Variants in ANO3 observed in about 807,000 individuals in gnomAD.
ANO3 encodes the protein anoctamin-3.
Under a neutral mutation model 144.8 loss-of-function variants are expected in ANO3, and 99 were observed. The observed-to-expected ratio is 0.68, with a 90% CI of 0.58 to 0.81. ANO3 has a LOEUF of 0.81. Among genes scored for constraint, ANO3 ranks in the 30% least tolerant of loss-of-function variants. ANO3 has a pLI of 0.00. For missense variants in ANO3, 905 were observed against 1,202.2 expected (o/e 0.75, Z 3.66); for synonymous variants, 414 against 392.6 (o/e 1.05, Z -0.64).
intron 14 of ANO3, chr11:26,565,796 G>A (rs1221285154): frequency 4.3e-6 from 7 of 1,612,974 alleles, no homozygotes; most frequent in South Asian, 1.1e-5. Context: ...CTTTTCCATG[G>A]CTCCCCGATA....
intron 14 of ANO3, among the ~76,000 whole-genome samples, chr11:26,592,111 G>T (rs1851471116): frequency 6.6e-6 from 1 of 152,076 alleles, no homozygotes; most frequent in Admixed American, 6.6e-5. Flanking sequence ...CAATTAAGTT[G>T]GCTCTCTCTT....
At chr11:26,480,075 C>T (rs1369447363) in intron 4 of ANO3, among the ~76,000 whole-genome samples, 3 of 152,170 alleles carry the variant, frequency 2.0e-5, no homozygotes, top group Non-Finnish European at 4.4e-5. Flanking sequence ...GGCTACAACA[C>T]CGCGTGGGAG....
In ANO3 at chr11:26,459,122, A is replaced by G. The variant is rs371950597; in HGVS notation, c.314-3908A>G. 4.3e-4 allele frequency among the ~76,000 whole-genome samples: 66 copies of G among 152,198 alleles called. No individual in the cohort carries two copies. The East Asian group carries it at 6.6e-3, about 15-fold the overall frequency. On this transcript the variant is annotated intron_variant, in intron 3 of 26. Transcript: ENST00000256737. ...ACAGTGAGAACATACTTTACATCAAATAACCTGGTGCAGCTGGATTGGAGG... is the reference window on the plus strand; with the variant it reads ...ACAGTGAGAACATACTTTACATCAAGTAACCTGGTGCAGCTGGATTGGAGG...
At chr11:26,436,596 TG>T (rs1858304497) in intron 1 of ANO3, among the ~76,000 whole-genome samples, 1 of 151,956 alleles carries the variant, frequency 6.6e-6, no homozygotes, top group Non-Finnish European at 1.5e-5. Context: ...CAGGGGTGGC[TG>T]GGGACCTTGG....
In ANO3 at chr11:26,660,315, A is replaced by G. The variant is rs150506041; in HGVS notation, c.2817A>G (p.Pro939=). Residue 939 remains proline, a synonymous_variant, in exon 27 of 27, where the codon CCA becomes CCG. Coordinates refer to ENST00000256737, the MANE Select transcript of ANO3 (RefSeq NM_031418.4). The stretch of plus-strand genomic sequence containing the variant: ...TCGCATACCTGATTCCAGACGTACC[A>G]AAGGGTCTACATGACCGAATACGAC... The part of the protein sequence containing the change: ...SFIAYLIPDV[P]KGLHDRIRRE... 3,011 of 1,613,518 alleles carry G rather than the reference A, an allele frequency of 1.9e-3. 8 individuals are homozygous for G. The highest frequency in any genetic ancestry group is 3.0e-3 in the Middle Eastern group (18 of 6,054).
chr11:26,453,407 G>A (rs9667274), intron 3 of ANO3, among the ~76,000 whole-genome samples: 3,508 of 151,854 alleles, frequency 0.023, 160 homozygotes, highest in African/African-American at 0.078. Flanking sequence ...AATGGAAAAC[G>A]AAAAAAGGCA....
intron 14 of ANO3, among the ~76,000 whole-genome samples, chr11:26,590,916 A>G (rs995774448): frequency 6.6e-5 from 10 of 152,102 alleles, no homozygotes. Context: ...CAGAGCTCCC[A>G]TACAATGGGA....
chr11:26,350,770 G>A (rs1169902679), intron 1 of ANO3, among the ~76,000 whole-genome samples: 1 of 151,918 alleles, frequency 6.6e-6, no homozygotes, highest in Admixed American at 6.6e-5. Context: ...CTCTACTAAA[G>A]TTAGGAATAA....
At chr11:26,649,962 C>T (rs1288094523) in intron 24 of ANO3, among the ~76,000 whole-genome samples, 3 of 152,170 alleles carry the variant, frequency 2.0e-5, no homozygotes, top group African/African-American at 7.2e-5. Flanking sequence ...CCAGTGTCTT[C>T]ACTGCCACCT....
intron 11 of ANO3, among the ~76,000 whole-genome samples, chr11:26,547,080 T>C (rs1462664371): frequency 6.6e-6 from 1 of 151,712 alleles, no homozygotes; most frequent in Non-Finnish European, 1.5e-5. Context: ...TCATGAAAGC[T>C]ATATGGTTTA....
upstream of ANO3, among the ~76,000 whole-genome samples, chr11:26,307,290 G>C (rs1324407603): frequency 2.0e-5 from 3 of 152,150 alleles, no homozygotes; most frequent in Admixed American, 2.0e-4. Flanking sequence ...GGAGACGGAG[G>C]TTGCAGTAAG....
chr11:26,214,455 T>C (rs1361064461), intron 1 of ANO3, among the ~76,000 whole-genome samples: 1 of 151,924 alleles, frequency 6.6e-6, no homozygotes, highest in Non-Finnish European at 1.5e-5. Context: ...AATATAGATG[T>C]CATCGCATCA....
chr11:26,340,098 T>A (rs1855315903), intron 1 of ANO3, among the ~76,000 whole-genome samples: 1 of 152,224 alleles, frequency 6.6e-6, no homozygotes, highest in African/African-American at 2.4e-5. Context: ...TTGTATTGGT[T>A]GTGGTACATT....
chr11:26,216,024 C>A (rs1852029672), intron 1 of ANO3, among the ~76,000 whole-genome samples: 1 of 151,962 alleles, frequency 6.6e-6, no homozygotes, highest in Non-Finnish European at 1.5e-5. Context: ...AGATTCCATT[C>A]ATTTCCAAAT....
intron 1 of ANO3, among the ~76,000 whole-genome samples, chr11:26,400,162 A>T (rs957684761): frequency 6.6e-6 from 1 of 152,044 alleles, no homozygotes; most frequent in Admixed American, 6.6e-5. Flanking sequence ...GATCTGGAGC[A>T]TTAACCAAAA....
intron 4 of ANO3, among the ~76,000 whole-genome samples, chr11:26,487,894 G>GC (rs1343175370): frequency 6.6e-6 from 1 of 152,188 alleles, no homozygotes; most frequent in African/African-American, 2.4e-5. Flanking sequence ...TAGGCCAAGT[G>GC]CAGTAGCTCA....
At chr11:26,540,216 A>G (rs1215368019) in intron 10 of ANO3, among the ~76,000 whole-genome samples, 1 of 152,182 alleles carries the variant, frequency 6.6e-6, no homozygotes, top group Non-Finnish European at 1.5e-5. Context: ...AATTTTAAAG[A>G]TACTACCATG....
At chr11:26,464,188 A>T (rs907144262) in intron 4 of ANO3, among the ~76,000 whole-genome samples, 7 of 151,432 alleles carry the variant, frequency 4.6e-5, no homozygotes, top group Non-Finnish European at 7.4e-5. Flanking sequence ...TGCAGGGATA[A>T]TTGTGCCAGA....
intron 5 of ANO3, among the ~76,000 whole-genome samples, chr11:26,509,117 A>ATG (rs985140279): frequency 6.6e-6 from 1 of 150,880 alleles, no homozygotes; most frequent in Non-Finnish European, 1.5e-5. Context: ...ATATATATAT[A>ATG]TATATTATTC....
Sources: allele counts gnomAD v4.1 joint callset (sites outside exome capture counted in the v4.1 genomes callset), GRCh38; gene constraint gnomAD v4.1.1; transcripts MANE v1.5; gene names NCBI Gene and HGNC (gene_info 2026-07-23, HGNC 2026-07-21).